LRBA: variants seen among roughly 807,000 people sequenced by gnomAD.
LRBA encodes the protein lipopolysaccharide-responsive and beige-like anchor protein.
Under a neutral mutation model 330.0 loss-of-function variants are expected in LRBA, and 176 were observed. That is an observed-to-expected ratio of 0.53 (90% CI 0.47 to 0.60). The LOEUF is 0.60. Ranked by LOEUF, LRBA falls within the 20% of genes least tolerant of loss-of-function variation. LRBA has a pLI of 0.00. For missense variants in LRBA, 3,259 were observed against 3,444.8 expected, an observed-to-expected ratio of 0.95 and a Z score of 1.35; for synonymous variants, 1,230 against 1,193.0, an observed-to-expected ratio of 1.03 and a Z score of -0.64.
At chr4:150,411,344 T>C (rs758772818) in intron 47 of LRBA, among the ~76,000 whole-genome samples, 2 of 152,214 alleles carry the variant, frequency 1.3e-5, no homozygotes, top group Non-Finnish European at 2.9e-5. Flanking sequence ...AAACAGGGAA[T>C]GTAGCATTAC....
chr4:150,810,291 C>A (rs773879367), intron 31 of LRBA, among the ~76,000 whole-genome samples: 1 of 152,220 alleles, frequency 6.6e-6, no homozygotes, highest in Non-Finnish European at 1.5e-5. Flanking sequence ...CAATCTTCCA[C>A]AATTAACCTC....
chr4:150,656,249 T>C (rs1309172901), intron 37 of LRBA, among the ~76,000 whole-genome samples: 3 of 152,234 alleles, frequency 2.0e-5, no homozygotes, highest in Non-Finnish European at 4.4e-5. Flanking sequence ...AAAGGTCTAA[T>C]TTTCATATCA....
chr4:150,967,516 G>A (rs564576669), intron 2 of LRBA, among the ~76,000 whole-genome samples: 15 of 152,296 alleles, frequency 9.8e-5, no homozygotes, highest in African/African-American at 3.4e-4. Flanking sequence ...CATAGATACT[G>A]CTTTGAATTT....
chr4:150,604,320 C>A (rs932373778), intron 37 of LRBA, among the ~76,000 whole-genome samples: 2 of 151,100 alleles, frequency 1.3e-5, no homozygotes, highest in African/African-American at 2.4e-5. Context: ...GGGAAGGTTT[C>A]TTGAGCCCAT....
intron 17 of LRBA, among the ~76,000 whole-genome samples, chr4:150,883,054 T>C (rs1728572987): frequency 6.6e-6 from 1 of 152,062 alleles, no homozygotes; most frequent in South Asian, 2.1e-4. Flanking sequence ...ATAAAGACCA[T>C]CCCCCCTCCA....
intron 38 of LRBA, among the ~76,000 whole-genome samples, chr4:150,596,353 G>C (rs1275580226): frequency 6.6e-6 from 1 of 151,748 alleles, no homozygotes; most frequent in African/African-American, 2.4e-5. Flanking sequence ...CTATAAAAAA[G>C]ATGGCTCTTA....
intron 36 of LRBA, chr4:150,720,896 A>G (rs1728844892): frequency 2.9e-6 from 1 of 339,366 alleles, no homozygotes; most frequent in Admixed American, 3.9e-5. Context: ...GCAACATTCA[A>G]AGTCAGAAGA....
At chr4:150,473,357 AT>A (rs2152070832) in intron 42 of LRBA, among the ~76,000 whole-genome samples, 1 of 152,274 alleles carries the variant, frequency 6.6e-6, no homozygotes, top group Non-Finnish European at 1.5e-5. Context: ...GTGATAGTTA[AT>A]TTTATGTGTC....
intron 40 of LRBA, among the ~76,000 whole-genome samples, chr4:150,530,194 G>A (rs570848350): frequency 1.3e-5 from 2 of 152,144 alleles, no homozygotes; most frequent in African/African-American, 2.4e-5. Flanking sequence ...CCTCAGGTGT[G>A]AACCATAAAG....
intron 52 of LRBA, among the ~76,000 whole-genome samples, chr4:150,303,716 A>C (rs1029699245): frequency 1.3e-5 from 2 of 152,028 alleles, no homozygotes; most frequent in Non-Finnish European, 2.9e-5. Context: ...GACTACAGGC[A>C]CCCACCACCA....
chr4:150,861,593 T>C (rs1751946459), intron 22 of LRBA, among the ~76,000 whole-genome samples: 1 of 152,120 alleles, frequency 6.6e-6, no homozygotes, highest in Non-Finnish European at 1.5e-5. Flanking sequence ...AATCAGTGAG[T>C]AAGTGGTGAG....
chr4:150,938,792 G>C (rs1453405837), intron 2 of LRBA, among the ~76,000 whole-genome samples: 1 of 152,134 alleles, frequency 6.6e-6, no homozygotes, highest in Non-Finnish European at 1.5e-5. Context: ...CCGCTACCCA[G>C]ACTTTCACCT....
intron 36 of LRBA, among the ~76,000 whole-genome samples, chr4:150,727,304 C>A (rs924968172): frequency 6.6e-6 from 1 of 151,978 alleles, no homozygotes; most frequent in Admixed American, 6.6e-5. Context: ...AAACTCCTGA[C>A]CTCAGGTGAT....
chr4:150,445,171 T>A (rs956582143), intron 44 of LRBA, among the ~76,000 whole-genome samples: 2 of 152,056 alleles, frequency 1.3e-5, no homozygotes, highest in Admixed American at 1.3e-4. Context: ...TAAATCTATA[T>A]GCTTTTAAGA....
intron 47 of LRBA, among the ~76,000 whole-genome samples, chr4:150,403,533 T>TTTC (rs1468433792): frequency 6.6e-6 from 1 of 152,076 alleles, no homozygotes; most frequent in Non-Finnish European, 1.5e-5. Context: ...TCTCTCTCTC[T>TTTC]TTCTTCTTCT....
intron 37 of LRBA, 55 bp from the exon 38 acceptor site, chr4:150,599,186 C>T (rs1773846904): frequency 1.3e-6 from 2 of 1,590,288 alleles, no homozygotes; most frequent in Admixed American, 3.5e-5. Flanking sequence ...AGCGTGGTAG[C>T]ACTGAATTTC....
intron 44 of LRBA, among the ~76,000 whole-genome samples, chr4:150,437,693 C>A (rs1048265995): frequency 6.6e-6 from 1 of 151,758 alleles, no homozygotes; most frequent in African/African-American, 2.4e-5. Flanking sequence ...TAATAATACT[C>A]ATTCAAAAGG....
chr4:150,860,700 G>A (rs543025204), intron 22 of LRBA, among the ~76,000 whole-genome samples: 12 of 152,036 alleles, frequency 7.9e-5, no homozygotes, highest in East Asian at 1.9e-4. Flanking sequence ...GGTGGCAGGC[G>A]CCTGTAGTCC....
intron 44 of LRBA, among the ~76,000 whole-genome samples, chr4:150,467,232 G>A (rs919704215): frequency 6.6e-6 from 1 of 152,022 alleles, no homozygotes; most frequent in Non-Finnish European, 1.5e-5. Flanking sequence ...TGATACCATT[G>A]GAGAATGCTA....
Sources: allele counts gnomAD v4.1 joint callset (sites outside exome capture counted in the v4.1 genomes callset), GRCh38; gene constraint gnomAD v4.1.1; transcripts MANE v1.5; gene names NCBI Gene and HGNC (gene_info 2026-07-23, HGNC 2026-07-21).